Variants in TARS3 observed in about 807,000 individuals in gnomAD.
TARS3 encodes the protein threonyl-tRNA synthetase 3.
A neutral mutation model predicts 103.5 loss-of-function variants in TARS3; 94 were observed. The ratio of observed to expected loss-of-function variants is 0.91; its 90% CI spans 0.77 to 1.08. The LOEUF (loss-of-function observed/expected upper bound fraction) is 1.08, where lower values mean the gene tolerates loss of function less well. Ranked by LOEUF, TARS3 falls within the 50% of genes least tolerant of loss-of-function variation. TARS3 has a pLI of 0.00. For missense variants in TARS3, 952 were observed against 995.2 expected, an observed-to-expected ratio of 0.96 and a Z score of 0.58; for synonymous variants, 416 against 355.4, an observed-to-expected ratio of 1.17 and a Z score of -1.92.
At chr15:101,708,035 G>A (rs1899657793) in intron 6 of TARS3, among the ~76,000 whole-genome samples, 1 of 152,034 alleles carries the variant, frequency 6.6e-6, no homozygotes, top group Non-Finnish European at 1.5e-5. Flanking sequence ...CTTGAGGTCA[G>A]GAATTCAAGA....
intron 1 of TARS3, 137 bp downstream of exon 1, chr15:101,723,954 G>T: frequency 1.3e-6 from 1 of 794,716 alleles, no homozygotes; most frequent in Non-Finnish European, 1.8e-6. Flanking sequence ...AGGGCAGGGC[G>T]GGCCAGCCGC....
rs1397851632 is a variant in TARS3 at position 101,716,880 on chromosome 15, AG to A, written c.567-1918del. Among the ~76,000 whole-genome samples the A allele has an allele frequency of 2.2e-4, 30 of 138,404 alleles. 1 individual carries two copies. The Admixed American group carries it at 2.3e-3, about 11-fold the overall frequency. 90.8% of individuals were successfully genotyped at this position (138,404 alleles called of 152,430 possible). A position where few individuals can be genotyped will look rare whatever the true frequency, so the allele number is the denominator to read the frequency against. On this transcript the variant is annotated intron_variant, in intron 3 of 18. Coordinates refer to ENST00000335968, the MANE Select transcript of TARS3 (RefSeq NM_152334.3). ...ATTTTTTTTTTTTTTTTTTTGAGAC[AG>A]GGTCTCACTCTGTCACCCAGGCTGG... is the stretch of plus-strand genomic sequence containing the variant.
chr15:101,654,707 C>CT lies in TARS3; in HGVS notation c.2283dup (p.Asp762ArgfsTer2). 1 of 1,613,696 alleles carries CT rather than the reference C, an allele frequency of 6.2e-7. No individual in the cohort carries two copies. The highest frequency in any genetic ancestry group is 8.5e-7 in the Non-Finnish European group (1 of 1,179,908). On this transcript the variant is annotated frameshift_variant, in exon 19 of 19. Transcript: ENST00000335968. LOFTEE classifies it high-confidence loss of function. Reference sequence around the variant, plus strand: ...CTTGTTCGCACGTTTACAGCATTATCTATCTTTTCCTTTTCTCCAACCACT... The same window carrying CT: ...CTTGTTCGCACGTTTACAGCATTATCTTATCTTTTCCTTTTCTCCAACCACT...
intron 10 of TARS3, among the ~76,000 whole-genome samples, chr15:101,699,763 A>G (rs1033440126): frequency 3.3e-5 from 5 of 152,040 alleles, no homozygotes; most frequent in Admixed American, 3.3e-4. Context: ...ACAAGAAGAA[A>G]AAGACGGAGA....
At position 101,671,673 on chromosome 15, in the gene TARS3, T is replaced by G. The variant is rs145094621; in HGVS notation, c.1864A>C (p.Lys622Gln). ...TTTGAAGCATGTGGTCGACTCACTT[T>G]AGGGCCATAAAATGCTCCATCTCCT... Reference protein sequence around the residue: ...NPGDGAFYGPKIDIKIKDAIG... With the variant: ...NPGDGAFYGPQIDIKIKDAIG... The change falls in exon 14 of 19, where the codon AAA (lysine) becomes CAA (glutamine). Residue 622 changes from lysine to glutamine, a missense_variant and splice_region_variant. This residue lies in a region of TARS3 where 540 missense variants were observed against 631.0 expected (regional missense o/e 0.86). Coordinates refer to ENST00000335968, the MANE Select transcript of TARS3 (RefSeq NM_152334.3). 87 of 1,614,138 alleles carry G rather than the reference T, an allele frequency of 5.4e-5. No individual in the cohort carries two copies. The African/African-American group carries it at 1.1e-3, about 21-fold the overall frequency.
intron 10 of TARS3, among the ~76,000 whole-genome samples, chr15:101,700,476 T>C (rs1043660059): frequency 6.6e-6 from 1 of 152,200 alleles, no homozygotes; most frequent in African/African-American, 2.4e-5. Context: ...TCTCCTTTCT[T>C]CTTTTTCACA....
intron 4 of TARS3, among the ~76,000 whole-genome samples, chr15:101,714,521 C>G (rs1299502526): frequency 6.9e-6 from 1 of 144,022 alleles, no homozygotes; most frequent in African/African-American, 2.5e-5. Flanking sequence ...GGGAGGATCA[C>G]CTGAGCCAGG....
chr15:101,673,784 A>G (rs1897913487), intron 13 of TARS3, among the ~76,000 whole-genome samples: 1 of 152,066 alleles, frequency 6.6e-6, no homozygotes, highest in Non-Finnish European at 1.5e-5. Context: ...GTCAGTGGGG[A>G]GGAGAAGGCC....
intron 11 of TARS3, 23 bp downstream of exon 11, chr15:101,685,873 T>C (rs2141408270): frequency 6.2e-7 from 1 of 1,600,324 alleles, no homozygotes; most frequent in Non-Finnish European, 8.5e-7. Context: ...CATGAAAAGG[T>C]CTGCTTCGCT....
intron 13 of TARS3, among the ~76,000 whole-genome samples, chr15:101,672,710 C>T (rs185356545): frequency 1.1e-3 from 169 of 152,148 alleles, no homozygotes; most frequent in Non-Finnish European, 9.1e-4. Context: ...GGGAGTGTCC[C>T]GCATAGGCCT....
chr15:101,681,707 C>T (rs1898262372), intron 12 of TARS3, among the ~76,000 whole-genome samples: 1 of 152,212 alleles, frequency 6.6e-6, no homozygotes, highest in Non-Finnish European at 1.5e-5. Context: ...CCTCTGGCAT[C>T]TCCTTAAAAG....
chr15:101,686,175 A>AT, intron 10 of TARS3, 113 bp from the exon 11 acceptor site: 2 of 898,956 alleles, frequency 2.2e-6, no homozygotes, highest in Non-Finnish European at 3.3e-6. Context: ...ATATTAATTC[A>AT]TGATTAATGT....
At chr15:101,688,258 GCAT>G (rs1175059157) in intron 10 of TARS3, among the ~76,000 whole-genome samples, 1 of 152,092 alleles carries the variant, frequency 6.6e-6, no homozygotes, top group African/African-American at 2.4e-5. Context: ...GATGTTCATT[GCAT>G]TGCATTTTAG....
In TARS3 at chr15:101,654,417, A is replaced by C; in HGVS notation, c.*165T>G. ...CGTCCCCCGTGGACATGAGTAAATT[A>C]AACTTCGTGCATGTCAGCTACACGT... On this transcript the variant is annotated 3_prime_UTR_variant, in exon 19 of 19. Transcript: ENST00000335968. 1.4e-6 allele frequency: 1 copy of C among 705,860 alleles called. No homozygotes were observed. Among genetic ancestry groups the C allele is most frequent in the Non-Finnish European group, 2.2e-6 (1 of 455,836 alleles). 43.7% of individuals were successfully genotyped at this position (705,860 alleles called of 1,614,324 possible).
Position 101,724,120 on chromosome 15 carries a change from G to C in TARS3, c.268C>G (p.Leu90Val). 1.4e-6 allele frequency: 2 copies of C among 1,410,868 alleles called. No individual in the cohort carries two copies. Among genetic ancestry groups the C allele is most frequent in the Non-Finnish European group, 9.2e-7 (1 of 1,082,890 alleles). 87.4% of individuals were successfully genotyped at this position (1,410,868 alleles called of 1,614,324 possible). ...SRQATLESAE[L>V]EAAQEAGAQP... ...GCGCCGGCCTCCTGCGCCGCCTCTA[G>C]CTCCGCGCTCTCCAGCGTGGCCTGG... The change falls in exon 1 of 19, where the codon CTA becomes GTA. Residue 90 changes from leucine to valine, a missense_variant. Leu to Val is a conservative substitution (Grantham distance 32, BLOSUM62 1). Transcript: ENST00000335968.
chr15:101,676,801 CCTT>C (rs1039900090), intron 12 of TARS3, among the ~76,000 whole-genome samples: 4 of 148,224 alleles, frequency 2.7e-5, no homozygotes, highest in African/African-American at 1.0e-4. Context: ...GCCACTACAC[CCTT>C]TTTTTTTTTT....
intron 2 of TARS3, among the ~76,000 whole-genome samples, chr15:101,722,291 G>A (rs1456673205): frequency 6.8e-6 from 1 of 147,344 alleles, no homozygotes; most frequent in African/African-American, 2.5e-5. Flanking sequence ...ACTGTTTACA[G>A]AACGTGTACA....
chr15:101,671,552 T>A lies in TARS3; in HGVS notation c.1901A>T (p.Tyr634Phe). 2 of 1,611,940 alleles carry A rather than the reference T, an allele frequency of 1.2e-6. 1 individual carries two copies. Among genetic ancestry groups the A allele is most frequent in the Non-Finnish European group, 1.7e-6 (2 of 1,178,074 alleles). Residue 634 changes from tyrosine to phenylalanine, a missense_variant, in exon 15 of 19, where the codon TAC becomes TTC. Transcript: ENST00000335968. ...CAGCTGAATTGTAGCACATTGATGG[T>A]ATCTGCCAATAGCATCCTTGATTTT... The part of the protein sequence containing the change: ...DIKIKDAIGR[Y>F]HQCATIQLDF...
intron 7 of TARS3, 58 bp downstream of exon 7, chr15:101,705,625 T>C: frequency 6.8e-7 from 1 of 1,470,094 alleles, no homozygotes; most frequent in Non-Finnish European, 9.4e-7. Flanking sequence ...ACTCGGCCTC[T>C]ACTGCTAACA....
Sources: gnomAD v4.1 joint callset for allele counts (sites outside exome capture counted in the v4.1 genomes callset) on GRCh38, gnomAD v4.1.1 for gene constraint, gnomAD v4.1.1 regional missense constraint, MANE v1.5 for transcripts, NCBI Gene and HGNC (gene_info 2026-07-23, HGNC 2026-07-21) for gene names.